The following CYLC2 variants were observed in gnomAD, a reference collection of about 807,000 sequenced individuals.
CYLC2 encodes the protein cylicin 2, also known as cylicin-2.
A neutral mutation model predicts 26.1 loss-of-function variants in CYLC2; 30 were observed. That is an observed-to-expected ratio of 1.15 (90% CI 0.86 to 1.56). CYLC2 has a LOEUF of 1.56. Ranked by LOEUF, CYLC2 falls within the 40% of genes most tolerant of loss-of-function variation. The pLI is 0.00. For synonymous variants in CYLC2, 158 were observed against 132.8 expected, an observed-to-expected ratio of 1.19 and a Z score of -1.31; for missense variants, 498 against 394.4, an observed-to-expected ratio of 1.26 and a Z score of -2.23.
Position 103,005,864 on chromosome 9 carries a change from T to C in CYLC2, c.*186T>C. ...GATTTATAAAAATATATAAGAAAGA[T>C]GTTAAGAAAAATTAAGGGGGGATCC... is the stretch of plus-strand genomic sequence containing the variant. On this transcript the variant is annotated 3_prime_UTR_variant, in exon 5 of 8. Transcript: ENST00000374798. 1.6e-6 allele frequency: 1 copy of C among 630,832 alleles called. No individual in the cohort carries two copies. The highest frequency in any genetic ancestry group is 2.8e-5 in the East Asian group (1 of 35,942). The allele number at this position is 630,832 out of a possible 1,614,324, so 39.1% of individuals were successfully genotyped here.
intron 1 of CYLC2, among the ~76,000 whole-genome samples, chr9:102,998,730 T>G (rs1405987480): frequency 6.6e-6 from 1 of 151,938 alleles, no homozygotes; most frequent in Non-Finnish European, 1.5e-5. Context: ...ATAGAAAACT[T>G]TGATCACACA....
intron 5 of CYLC2, chr9:103,010,826 A>G (rs985153333): frequency 2.6e-5 from 4 of 152,056 alleles, no homozygotes; most frequent in Admixed American, 6.6e-5. Flanking sequence ...CACATTGCTT[A>G]GTAGTTTACA....
rs776955565 is a variant in CYLC2, at chr9:103,004,991, C to T, written c.360C>T (p.Asp120=). The T allele has an allele frequency of 4.4e-6, 7 of 1,581,286 alleles. No individual in the cohort carries two copies. The highest frequency in any genetic ancestry group is 1.4e-5 in the African/African-American group (1 of 72,134). The change falls in exon 5 of 8, where the codon GAC becomes GAT. Residue 120 remains aspartate, a synonymous_variant. Transcript: ENST00000374798. ...KAAEIGKKGE[D]KTTQKDTTDS... is the part of the protein sequence containing the mutation. ...CAGAAATTGGTAAGAAAGGTGAAGA[C>T]AAGACAACACAGAAGGACACAACAG...
At position 103,005,920 on chromosome 9, in the gene CYLC2, T is replaced by A. The variant is rs12057060; in HGVS notation, c.*242T>A. 0.014 allele frequency: 5,905 copies of A among 430,590 alleles called. 313 individuals carry two copies. The highest frequency in any genetic ancestry group is 0.14 in the East Asian group (3,807 of 27,898). The allele number at this position is 430,590 out of a possible 1,614,324, so 26.7% of individuals were successfully genotyped here. The stretch of plus-strand genomic sequence containing the variant: ...AAGACTTGAAGAATACATATACTTA[T>A]ATTCGGGGATATGAAGGATTCAATG... On this transcript the variant is annotated 3_prime_UTR_variant, in exon 5 of 8. Coordinates refer to ENST00000374798, the MANE Select transcript of CYLC2 (RefSeq NM_001340.5).
intron 6 of CYLC2, among the ~76,000 whole-genome samples, chr9:103,013,437 A>C (rs1437677742): frequency 3.6e-5 from 3 of 83,606 alleles, no homozygotes; most frequent in East Asian, 3.7e-4. Context: ...TATATACATA[A>C]TACAGAAATA....
chr9:103,012,319 T>C (rs1829416029), intron 6 of CYLC2, among the ~76,000 whole-genome samples: 1 of 152,020 alleles, frequency 6.6e-6, no homozygotes. Flanking sequence ...CTTTCAGTCA[T>C]TTAGTATTTT....
intron 5 of CYLC2, among the ~76,000 whole-genome samples, chr9:103,011,441 G>T (rs2118256415): frequency 6.6e-6 from 1 of 152,142 alleles, no homozygotes; most frequent in African/African-American, 2.4e-5. Flanking sequence ...TGGTACTTTA[G>T]GTTGAGGAAC....
In CYLC2 at chr9:103,014,562, ATATGTATATTATGCAGTATACATCATATG is replaced by A. The variant is rs1829470045; in HGVS notation, c.*817-2322_*817-2294del. Among the ~76,000 whole-genome samples the A allele has an allele frequency of 2.1e-5, 3 of 143,378 alleles. 1 individual carries two copies. The highest frequency in any genetic ancestry group is 7.5e-5 in the African/African-American group (3 of 39,888). 94.1% of individuals were successfully genotyped at this position (143,378 alleles called of 152,430 possible). On this transcript the variant is annotated intron_variant, in intron 6 of 7. Transcript: ENST00000374798. The stretch of plus-strand genomic sequence containing the variant: ...ATATGTATATTATGCAGTATACATC[ATATGTATATTATGCAGTATACATCATATG>A]TATATTATGCAGTATACATCATATG...
chr9:103,008,776 T>A (rs768275619), intron 5 of CYLC2, among the ~76,000 whole-genome samples: 3 of 152,088 alleles, frequency 2.0e-5, no homozygotes, highest in Admixed American at 6.6e-5. Context: ...AAAAGTCCAA[T>A]CAACCATTAT....
rs114751165 is a variant in CYLC2, at chr9:103,004,289, T to C, written c.181-406T>C. 7.6e-3 allele frequency among the ~76,000 whole-genome samples: 1,153 copies of C among 152,210 alleles called. 12 individuals are homozygous for C. Among genetic ancestry groups the C allele is most frequent in the African/African-American group, 0.027 (1,106 of 41,554 alleles). ...CTCTGAAAATGAAAATAGACTAAGA[T>C]ATGCCTCAATCTGAAACTATTAGAT... On this transcript the variant is annotated intron_variant, in intron 3 of 7. Transcript: ENST00000374798.
intron 3 of CYLC2, among the ~76,000 whole-genome samples, chr9:103,003,792 T>C (rs2083787777): frequency 6.6e-6 from 1 of 152,078 alleles, no homozygotes; most frequent in South Asian, 2.1e-4. Flanking sequence ...GCTGGAGAAA[T>C]CCCTCATTTG....
chr9:103,000,477 T>C (rs770491411), intron 1 of CYLC2, among the ~76,000 whole-genome samples: 8 of 152,082 alleles, frequency 5.3e-5, no homozygotes, highest in Non-Finnish European at 1.0e-4. Flanking sequence ...AGTATATAAA[T>C]GTACTTTGAC....
chr9:102,999,540 G>T (rs1438146040), intron 1 of CYLC2, among the ~76,000 whole-genome samples: 1 of 151,254 alleles, frequency 6.6e-6, no homozygotes, highest in South Asian at 2.1e-4. Flanking sequence ...TCTTTGCCTT[G>T]TTTCTGATTT....
At chr9:103,014,916 A>G (rs1829479328) in intron 6 of CYLC2, among the ~76,000 whole-genome samples, 1 of 133,836 alleles carries the variant, frequency 7.5e-6, no homozygotes, top group Admixed American at 8.1e-5. Flanking sequence ...TGTAATATAC[A>G]TAATATGTAT....
chr9:103,013,658 A>C (rs1268637757), intron 6 of CYLC2, among the ~76,000 whole-genome samples: 1 of 111,574 alleles, frequency 9.0e-6, no homozygotes, highest in Non-Finnish European at 1.6e-5. Context: ...AAATATAAAT[A>C]TATTATATTA....
At position 103,003,187 on chromosome 9, in the gene CYLC2, T is replaced by C; in HGVS notation, c.104T>C (p.Leu35Pro). The C allele has an allele frequency of 6.2e-7, 1 of 1,613,848 alleles. No individual in the cohort carries two copies. Among genetic ancestry groups the C allele is most frequent in the Non-Finnish European group, 8.5e-7 (1 of 1,179,806 alleles). ...KKSWNQQHFA[L>P]LFPKPQRPGT... ...TCATGGAATCAGCAACACTTTGCCC[T>C]GTTATTTCCCAAACCACAACGGCCA... The change falls in exon 3 of 8, where the codon CTG becomes CCG. Residue 35 changes from leucine (L) to proline (P), a missense_variant. Transcript: ENST00000374798.
At position 103,003,228 on chromosome 9, in the gene CYLC2, T is replaced by C; in HGVS notation, c.145T>C (p.Ser49Pro). The C allele has an allele frequency of 6.2e-7, 1 of 1,613,834 alleles. No homozygotes were observed. ...ACAACGGCCAGGAACCAAAAGGAGATCAAAACCTTCTCAAATACGGGACAA... is the reference window on the plus strand; with the variant it reads ...ACAACGGCCAGGAACCAAAAGGAGACCAAAACCTTCTCAAATACGGGACAA... The part of the protein sequence containing the change: ...KPQRPGTKRR[S>P]KPSQIRDNTV... Residue 49 changes from serine (S) to proline (P), a missense_variant, in exon 3 of 8, where the codon TCA (serine) becomes CCA (proline). Transcript: ENST00000374798.
At chr9:103,014,142 A>T (rs1422562991) in intron 6 of CYLC2, among the ~76,000 whole-genome samples, 2 of 121,216 alleles carry the variant, frequency 1.6e-5, no homozygotes, top group African/African-American at 6.6e-5. Context: ...AATATATTAA[A>T]TATATTATTT....
intron 6 of CYLC2, among the ~76,000 whole-genome samples, chr9:103,012,899 G>C (rs1039952663): frequency 6.6e-6 from 1 of 150,802 alleles, no homozygotes; most frequent in Non-Finnish European, 1.5e-5. Flanking sequence ...AGAAGATAGT[G>C]AGTAACAAAT....
Sources: gnomAD v4.1 joint callset for allele counts (sites outside exome capture counted in the v4.1 genomes callset) on GRCh38, gnomAD v4.1.1 for gene constraint, MANE v1.5 for transcripts, NCBI Gene and HGNC (gene_info 2026-07-23, HGNC 2026-07-21) for gene names.